CAMSAP2: variants seen among roughly 807,000 people sequenced by gnomAD.
The protein encoded by CAMSAP2 is calmodulin-regulated spectrin-associated protein 2.
In CAMSAP2, 26 loss-of-function variants were observed where a neutral mutation model predicts 146.1. The observed-to-expected ratio is 0.18, with a 90% CI of 0.13 to 0.25. The LOEUF (loss-of-function observed/expected upper bound fraction) is 0.25. CAMSAP2 is among the 10% of genes least tolerant of loss of function. The pLI is 1.00. For synonymous variants in CAMSAP2, 499 were observed against 596.6 expected (o/e 0.84, Z 2.38); for missense variants, 1,381 against 1,759.3 (o/e 0.78, Z 3.85).
chr1:200,844,321 G>A (rs184536095), intron 7 of CAMSAP2, among the ~76,000 whole-genome samples: 3,308 of 151,994 alleles, frequency 0.022, 98 homozygotes, highest in South Asian at 0.14. Flanking sequence ...AGGTTGAGGC[G>A]GGCAGATCAC....
rs199967245 is a variant in CAMSAP2, at chr1:200,793,031, A to G, written c.400-14345A>G. The stretch of plus-strand genomic sequence containing the variant: ...GTATGAGGAATGAATTTTTAAGATG[A>G]AAAGAAAATGCTACCATGTGGAGCA... On this transcript the variant is annotated intron_variant, in intron 2 of 16. Coordinates refer to ENST00000358823, the MANE Select transcript of CAMSAP2 (RefSeq NM_203459.4). Among the ~76,000 whole-genome samples, 19 of 152,310 alleles carry G rather than the reference A, an allele frequency of 1.2e-4. No homozygotes were observed. The East Asian group carries it at 3.7e-3, about 29-fold the overall frequency.
At chr1:200,816,843 T>C (rs542355903) in intron 4 of CAMSAP2, among the ~76,000 whole-genome samples, 831 of 75,696 alleles carry the variant, frequency 0.011, 282 homozygotes, top group East Asian at 0.052. Context: ...TGTGTATGTG[T>C]GTACACACAC....
At chr1:200,820,220 C>A (rs1666713629) in intron 4 of CAMSAP2, among the ~76,000 whole-genome samples, 1 of 151,964 alleles carries the variant, frequency 6.6e-6, no homozygotes, top group South Asian at 2.1e-4. Context: ...ACCGCCATGC[C>A]CACCTAATTT....
intron 2 of CAMSAP2, among the ~76,000 whole-genome samples, chr1:200,793,214 C>G (rs1468682238): frequency 2.6e-5 from 4 of 152,036 alleles, no homozygotes; most frequent in Non-Finnish European, 5.9e-5. Flanking sequence ...CTATAGTAAG[C>G]AATGATAATA....
intron 2 of CAMSAP2, among the ~76,000 whole-genome samples, chr1:200,771,727 A>T (rs909502569): frequency 6.6e-6 from 1 of 152,200 alleles, no homozygotes; most frequent in African/African-American, 2.4e-5. Flanking sequence ...CTGGAAACCC[A>T]AAGGGAGGGA....
chr1:200,763,812 G>A lies in CAMSAP2; in HGVS notation c.399+2714G>A, dbSNP rs186642879. 3.4e-3 allele frequency among the ~76,000 whole-genome samples: 524 copies of A among 152,032 alleles called. 5 individuals are homozygous for A. The highest frequency in any genetic ancestry group is 0.012 in the African/African-American group (509 of 41,484). On this transcript the variant is annotated intron_variant, in intron 2 of 16. Coordinates refer to ENST00000358823, the MANE Select transcript of CAMSAP2 (RefSeq NM_203459.4). Reference sequence around the variant, plus strand: ...TGTTTTTGGCTGGGCGTGGTGGCTCGCGCCTGTAATCCCAGCACTTTAGGA... The same window carrying A: ...TGTTTTTGGCTGGGCGTGGTGGCTCACGCCTGTAATCCCAGCACTTTAGGA...
intron 1 of CAMSAP2, among the ~76,000 whole-genome samples, chr1:200,745,480 TTA>T (rs1039458653): frequency 6.6e-6 from 1 of 152,152 alleles, no homozygotes; most frequent in Non-Finnish European, 1.5e-5. Context: ...TTAGGAAATA[TTA>T]TATGATAGTT....
chr1:200,839,799 G>T (rs2102232181), intron 6 of CAMSAP2, among the ~76,000 whole-genome samples: 1 of 152,182 alleles, frequency 6.6e-6, no homozygotes, highest in African/African-American at 2.4e-5. Flanking sequence ...ATTACTTAAA[G>T]AACTTATTCA....
In CAMSAP2 at chr1:200,844,805, T is replaced by G. The variant is rs760154607; in HGVS notation, c.1045T>G (p.Ser349Ala). 6.3e-7 allele frequency: 1 copy of G among 1,593,696 alleles called. No homozygotes were observed. Among genetic ancestry groups the G allele is most frequent in the Non-Finnish European group, 8.5e-7 (1 of 1,172,894 alleles). Reference sequence around the variant, plus strand: ...AGCTGAACCTGTAAAAGATATGCCTTCAATTCCTGTCTTGAATGCTGCCAA... The same window carrying G: ...AGCTGAACCTGTAAAAGATATGCCTGCAATTCCTGTCTTGAATGCTGCCAA... ...QGAEPVKDMP[S>A]IPVLNAAKRN... Residue 349 changes from serine to alanine, a missense_variant, in exon 8 of 17, where the codon TCA becomes GCA. Ser to Ala is a moderately conservative substitution (Grantham distance 99, BLOSUM62 1). Transcript: ENST00000358823.
At chr1:200,807,593 C>G (rs1666213444) in intron 3 of CAMSAP2, 56 bp downstream of exon 3, 3 of 1,214,124 alleles carry the variant, frequency 2.5e-6, no homozygotes, top group Admixed American at 2.6e-5. Context: ...ACGTGAAATT[C>G]TAAATTATAC....
At chr1:200,821,654 C>T (rs866681891) in intron 4 of CAMSAP2, among the ~76,000 whole-genome samples, 20 of 152,338 alleles carry the variant, frequency 1.3e-4, no homozygotes, top group African/African-American at 4.8e-4. Flanking sequence ...AGCCACCACA[C>T]GTGGCCATTT....
Position 200,849,192 on chromosome 1 carries a change from CAGA to C in CAMSAP2, c.2427_2429del (p.Glu809del). On this transcript the variant is annotated inframe_deletion, in exon 11 of 17. Coordinates refer to ENST00000358823, the MANE Select transcript of CAMSAP2 (RefSeq NM_203459.4). The surrounding 1 kb of genome is among the most constrained non-coding windows in gnomAD (Gnocchi z 6.3). ...CCTCTACGAGAGGAAGCGGCGGGTG[CAGA>C]AGATGAGAAAGTATATACTGATCGA... 1 of 1,613,562 alleles carries C rather than the reference CAGA, an allele frequency of 6.2e-7. No individual in the cohort carries two copies. Among genetic ancestry groups the C allele is most frequent in the Non-Finnish European group, 8.5e-7 (1 of 1,179,952 alleles).
rs548496021 is a variant in CAMSAP2, at chr1:200,788,642, T to C, written c.400-18734T>C. ...TGACTTAGAACATCTTTTCTTTTTT[T>C]CTTTTTTTTTTTTTTTGAGACGGAG... On this transcript the variant is annotated intron_variant, in intron 2 of 16. Coordinates refer to ENST00000358823, the MANE Select transcript of CAMSAP2 (RefSeq NM_203459.4). Among the ~76,000 whole-genome samples, 25 of 108,290 alleles carry C rather than the reference T, an allele frequency of 2.3e-4. No homozygotes were observed. In the South Asian group the frequency reaches 7.4e-3, roughly 32 times the overall value. 71.0% of individuals were successfully genotyped at this position (108,290 alleles called of 152,430 possible).
intron 1 of CAMSAP2, among the ~76,000 whole-genome samples, chr1:200,754,721 T>C (rs1429239741): frequency 2.1e-5 from 3 of 144,614 alleles, no homozygotes; most frequent in Non-Finnish European, 4.4e-5. Flanking sequence ...TAGCTGGGAC[T>C]ACAGGCACCC....
At chr1:200,784,311 TAA>T (rs920356300) in intron 2 of CAMSAP2, among the ~76,000 whole-genome samples, 1 of 151,160 alleles carries the variant, frequency 6.6e-6, no homozygotes, top group East Asian at 1.9e-4. Flanking sequence ...CAATTTCTAT[TAA>T]AAAAAAAGCT....
In CAMSAP2 at chr1:200,854,806, T is replaced by C. The variant is rs753055593; in HGVS notation, c.3824-11T>C. On this transcript the variant is annotated splice_polypyrimidine_tract_variant and intron_variant, in intron 13 of 16. Coordinates refer to ENST00000358823, the MANE Select transcript of CAMSAP2 (RefSeq NM_203459.4). ...TTTATTCAGGATCATGAATTTATCG[T>C]GTTTTTTCAGTCTCTAGCCTTTCTT... 2 of 1,604,412 alleles carry C rather than the reference T, an allele frequency of 1.2e-6. No individual in the cohort carries two copies. The highest frequency in any genetic ancestry group is 2.2e-5 in the South Asian group (2 of 88,964).
chr1:200,784,839 T>G (rs750575865), intron 2 of CAMSAP2, among the ~76,000 whole-genome samples: 25 of 152,208 alleles, frequency 1.6e-4, no homozygotes, highest in Non-Finnish European at 2.8e-4. Flanking sequence ...CAGGAATCTG[T>G]TGAGTTCCCA....
rs1212797383 is a variant in CAMSAP2 at position 200,847,299 on chromosome 1, T to G, written c.1192+7T>G. ...GCTCATTCTTCAGCCTCAGGTAATATATTTGAAAAAGCCTAGGAAAATACT... is the reference window on the plus strand; with the variant it reads ...GCTCATTCTTCAGCCTCAGGTAATAGATTTGAAAAAGCCTAGGAAAATACT... On this transcript the variant is annotated splice_region_variant and intron_variant, in intron 9 of 16. Coordinates refer to ENST00000358823, the MANE Select transcript of CAMSAP2 (RefSeq NM_203459.4). The G allele has an allele frequency of 1.8e-5, 29 of 1,594,790 alleles. No homozygotes were observed. The highest frequency in any genetic ancestry group is 2.4e-5 in the Non-Finnish European group (28 of 1,165,966).
chr1:200,792,303 A>C (rs1665775636), intron 2 of CAMSAP2, among the ~76,000 whole-genome samples: 1 of 152,236 alleles, frequency 6.6e-6, no homozygotes, highest in Non-Finnish European at 1.5e-5. Flanking sequence ...CTCAGCAATA[A>C]AAAGAAATGA....
Sources: gnomAD v4.1 joint callset for allele counts (sites outside exome capture counted in the v4.1 genomes callset) on GRCh38, gnomAD v4.1.1 for gene constraint, Gnocchi (gnomAD v3.1) non-coding constraint, MANE v1.5 for transcripts, NCBI Gene and HGNC (gene_info 2026-07-23, HGNC 2026-07-21) for gene names.